DCAF8L2: variants seen among roughly 807,000 people sequenced by gnomAD.
The protein encoded by DCAF8L2 is DDB1 and CUL4 associated factor 8 like 2.
For synonymous variants in DCAF8L2, 200 were observed against 190.9 expected (o/e 1.05, Z -0.39); for missense variants, 430 against 490.7 (o/e 0.88, Z 1.17).
At chrX:27,588,878 G>A (rs748049210), upstream of DCAF8L2, among the ~76,000 whole-genome samples, 11 of 110,320 alleles carry the variant, frequency 1.0e-4, no homozygotes, top group African/African-American at 3.3e-4. Flanking sequence ...TACACACACC[G>A]AGAATGAGTT....
In DCAF8L2 at chrX:27,747,052, G is replaced by A; in HGVS notation, c.157G>A (p.Asp53Asn). 1 of 1,171,151 alleles carries A rather than the reference G, an allele frequency of 8.5e-7. No homozygotes were observed. The highest frequency in any genetic ancestry group is 1.1e-6 in the Non-Finnish European group (1 of 874,626). Residue 53 changes from aspartate (D) to asparagine (N), a missense_variant, in exon 5 of 5, where the codon GAT becomes AAT. Coordinates refer to ENST00000451261, the MANE Select transcript of DCAF8L2 (RefSeq NM_001353450.2). ...AGAGCTGAGTGTGACAGTGACCGGA[G>A]ATGGCAGTGATAGCAGGGATGGTGG... ...TSELSVTVTG[D>N]GSDSRDGGFP...
the DCAF8L2 span, among the ~76,000 whole-genome samples, chrX:27,528,928 T>A: frequency 8.9e-6 from 1 of 111,854 alleles, no homozygotes; most frequent in Non-Finnish European, 1.9e-5. Flanking sequence ...TAATTTCTGA[T>A]CCTGTAGTAG....
chrX:27,515,838 T>A, the DCAF8L2 span, among the ~76,000 whole-genome samples: 1 of 111,984 alleles, frequency 8.9e-6, no homozygotes, highest in African/African-American at 3.2e-5. Flanking sequence ...TTTGATGTAC[T>A]GCAGGTAGGA....
rs192597822 is a variant in DCAF8L2, at chrX:27,628,158, A to G, written c.-341-3721A>G. ...CCTTCCATGAATTTGACTATTATAG[A>G]TACCTCATATAAGTGAAATCATGCA... On this transcript the variant is annotated intron_variant, in intron 1 of 4. Coordinates refer to ENST00000451261, the MANE Select transcript of DCAF8L2 (RefSeq NM_001353450.2). 1.1e-4 allele frequency among the ~76,000 whole-genome samples: 12 copies of G among 111,426 alleles called. No individual in the cohort carries two copies. The South Asian group carries it at 4.5e-3, about 42-fold the overall frequency.
intron 3 of DCAF8L2, among the ~76,000 whole-genome samples, chrX:27,706,249 G>GATT (rs1182933283): frequency 9.1e-6 from 1 of 109,393 alleles, no homozygotes; most frequent in Non-Finnish European, 1.9e-5. Flanking sequence ...GTTTCTTTAT[G>GATT]ATTATTATTA....
rs1306212904 is a variant in DCAF8L2 at position 27,719,820 on chromosome X, T to C, written c.-59+3649T>C. On this transcript the variant is annotated intron_variant, in intron 4 of 4. Coordinates refer to ENST00000451261, the MANE Select transcript of DCAF8L2 (RefSeq NM_001353450.2). ...GGATACATGGCCTTTGTTAAATTTA[T>C]GATTTACAAATATTTTCTTCCATTC... Among the ~76,000 whole-genome samples, 3 of 112,108 alleles carry C rather than the reference T, an allele frequency of 2.7e-5. No homozygotes were observed. The East Asian group carries it at 8.3e-4, about 31-fold the overall frequency.
the DCAF8L2 span, among the ~76,000 whole-genome samples, chrX:27,548,479 T>C: frequency 9.0e-6 from 1 of 111,729 alleles, no homozygotes; most frequent in Non-Finnish European, 1.9e-5. Context: ...CAATCTAAAA[T>C]AATCAAAAGG....
At chrX:27,596,652 A>C (rs1030911190) in intron 1 of DCAF8L2, among the ~76,000 whole-genome samples, 2 of 111,422 alleles carry the variant, frequency 1.8e-5, no homozygotes, top group Non-Finnish European at 3.8e-5. Context: ...ACAAAGATTA[A>C]ATTAAGAAGG....
At chrX:27,598,418 C>T (rs910357570) in intron 1 of DCAF8L2, among the ~76,000 whole-genome samples, 3 of 112,315 alleles carry the variant, frequency 2.7e-5, no homozygotes, top group African/African-American at 9.7e-5. Flanking sequence ...CCCTCCTCTA[C>T]GCCCAGAGAG....
the DCAF8L2 span, among the ~76,000 whole-genome samples, chrX:27,514,253 A>ATATGTGTGCATATGTACACATATGTACC: frequency 5.8e-4 from 23 of 39,504 alleles, 4 homozygotes; most frequent in African/African-American, 1.2e-3. Flanking sequence ...ACATATGTAC[A>ATATGTGTGCATATGTACACATATGTACC]TATATGTGTG....
At chrX:27,602,038 A>G (rs1213345639) in intron 1 of DCAF8L2, among the ~76,000 whole-genome samples, 1 of 111,673 alleles carries the variant, frequency 9.0e-6, no homozygotes, top group Non-Finnish European at 1.9e-5. Flanking sequence ...GAAGAGAAAA[A>G]GATATGTAGG....
upstream of DCAF8L2, among the ~76,000 whole-genome samples, chrX:27,587,985 A>AAAAAAAAAAAAAATATATAT: frequency 1.8e-4 from 4 of 22,371 alleles, no homozygotes; most frequent in Non-Finnish European, 2.3e-4. Context: ...TAAAAAAAAA[A>AAAAAAAAAAAAAATATATAT]ATATATATAT....
the DCAF8L2 span, among the ~76,000 whole-genome samples, chrX:27,571,902 CACCCGCTAAATAAGATGGATTGGTCA>C: frequency 2.7e-4 from 30 of 111,461 alleles, no homozygotes; most frequent in Middle Eastern, 0.019. Context: ...CTAGTCCACA[CACCCGCTAAATAAGATGGATTGGTCA>C]ACCCGCTAAA....
Position 27,748,669 on chromosome X carries a change from C to CGTG in DCAF8L2, c.1776_1777insGGT (p.Arg592_His593insGly). On this transcript the variant is annotated inframe_insertion, in exon 5 of 5. Transcript: ENST00000451261. ...CCTGCGTCACGTGACGCAGAGAGGT[C>CGTG]GTCACCAGGACTGGAGAAGTGGTGA... is the stretch of plus-strand genomic sequence containing the variant. 4.2e-6 allele frequency: 5 copies of CGTG among 1,195,361 alleles called. No homozygotes were observed. Among genetic ancestry groups the CGTG allele is most frequent in the Non-Finnish European group, 5.6e-6 (5 of 886,233 alleles).
the DCAF8L2 span, among the ~76,000 whole-genome samples, chrX:27,491,620 T>C: frequency 2.7e-5 from 3 of 112,374 alleles, no homozygotes; most frequent in African/African-American, 9.7e-5. Flanking sequence ...GTGGCAGGCA[T>C]TTTGAGAATG....
intron 2 of DCAF8L2, among the ~76,000 whole-genome samples, chrX:27,636,653 C>A (rs1266312648): frequency 9.0e-6 from 1 of 111,207 alleles, no homozygotes; most frequent in African/African-American, 3.3e-5. Context: ...CTATTTAATT[C>A]TGGAAAATTA....
chrX:27,497,652 T>C, the DCAF8L2 span, among the ~76,000 whole-genome samples: 5 of 109,514 alleles, frequency 4.6e-5, no homozygotes, highest in African/African-American at 1.7e-4. Context: ...CACTGCAACC[T>C]CTGCCTCCTG....
At chrX:27,722,903 C>G (rs1351780238) in intron 4 of DCAF8L2, among the ~76,000 whole-genome samples, 7 of 110,351 alleles carry the variant, frequency 6.3e-5, no homozygotes. Flanking sequence ...GGAGAATGAT[C>G]TGAAAAGCTA....
At chrX:27,711,108 A>G (rs1050939214) in intron 3 of DCAF8L2, among the ~76,000 whole-genome samples, 22 of 111,602 alleles carry the variant, frequency 2.0e-4, no homozygotes, top group African/African-American at 7.1e-4. Flanking sequence ...ATGGTTTGCT[A>G]ATTACATTAA....
Sources: allele counts gnomAD v4.1 joint callset (sites outside exome capture counted in the v4.1 genomes callset), GRCh38; gene constraint gnomAD v4.1.1; transcripts MANE v1.5; gene names NCBI Gene and HGNC (gene_info 2026-07-23, HGNC 2026-07-21).